Variants in NPHP1 observed in about 807,000 individuals in gnomAD.
The protein encoded by NPHP1 is nephrocystin 1.
In NPHP1, 70 loss-of-function variants were observed where a neutral mutation model predicts 90.4. The ratio of observed to expected loss-of-function variants is 0.77; its 90% CI spans 0.64 to 0.95. NPHP1 has a LOEUF of 0.95. NPHP1 is among the 40% of genes least tolerant of loss of function. The probability of loss-of-function intolerance (pLI) is 0.00; values close to 1 mark genes in which losing one functional copy is unlikely to be tolerated. For missense variants in NPHP1, 764 were observed against 795.9 expected (o/e 0.96, Z 0.48); for synonymous variants, 256 against 271.7 (o/e 0.94, Z 0.57).
Position 110,131,728 on chromosome 2 carries a change from T to C in NPHP1, c.1593A>G (p.Gln531=). The C allele has an allele frequency of 6.2e-7, 1 of 1,613,628 alleles. No individual in the cohort carries two copies. Among genetic ancestry groups the C allele is most frequent in the Non-Finnish European group, 8.5e-7 (1 of 1,179,598 alleles). Residue 531 remains glutamine (Q), a synonymous_variant, in exon 17 of 20, where the codon CAA becomes CAG. Coordinates refer to ENST00000445609, the MANE Select transcript of NPHP1 (RefSeq NM_001128178.3). ...CTTTCAGGAGCACATCTCCAAGAAT[T>C]TGTCGATAAAATATCAACAAGTGAA... ...CSIHLLIFYR[Q]ILGDVLLKDR... is the part of the protein sequence containing the mutation.
chr2:110,143,472 C>CAAAAAAA (rs774223348), intron 16 of NPHP1, 70 bp downstream of exon 16: 78 of 1,074,886 alleles, frequency 7.3e-5, no homozygotes, highest in Non-Finnish European at 9.7e-5. Flanking sequence ...GAGGAAAAGC[C>CAAAAAAA]AAAAGCAGAG....
At chr2:110,134,759 T>A (rs1233583438) in intron 16 of NPHP1, among the ~76,000 whole-genome samples, 5 of 152,018 alleles carry the variant, frequency 3.3e-5, no homozygotes, top group Admixed American at 3.3e-4. Context: ...CAATTGATGC[T>A]GAGAAAGCCT....
chr2:110,149,660 C>T (rs1484422568), intron 12 of NPHP1, among the ~76,000 whole-genome samples: 1 of 152,122 alleles, frequency 6.6e-6, no homozygotes, highest in Non-Finnish European at 1.5e-5. Flanking sequence ...ATTAATGAGA[C>T]CTTGGAGGTA....
intron 5 of NPHP1, among the ~76,000 whole-genome samples, chr2:110,168,961 T>C (rs751187755): frequency 1.3e-5 from 2 of 152,176 alleles, no homozygotes; most frequent in Non-Finnish European, 1.5e-5. Flanking sequence ...ATCAATTCCA[T>C]TAAAGTTAAA....
At chr2:110,136,369 G>A (rs1015770822) in intron 16 of NPHP1, among the ~76,000 whole-genome samples, 20 of 152,176 alleles carry the variant, frequency 1.3e-4, no homozygotes, top group Non-Finnish European at 2.5e-4. Flanking sequence ...ATTAGGAAAA[G>A]AGGAAGTCAA....
chr2:110,169,889 C>G lies in NPHP1; in HGVS notation c.439G>C (p.Glu147Gln). The G allele has an allele frequency of 6.2e-7, 1 of 1,613,318 alleles. No homozygotes were observed. Among genetic ancestry groups the G allele is most frequent in the Non-Finnish European group, 8.5e-7 (1 of 1,179,404 alleles). The change falls in exon 5 of 20, where the codon GAA becomes CAA. Residue 147 changes from glutamate (E) to glutamine (Q), a missense_variant. Transcript: ENST00000445609. ...EEEEEEKEEN[E>Q]SHKWSTGEEY... Reference sequence around the variant, plus strand: ...TCACCGGTTGACCATTTGTGAGATTCATTTTCCTCTTTCTCTTCCTCTTCC... The same window carrying G: ...TCACCGGTTGACCATTTGTGAGATTGATTTTCCTCTTTCTCTTCCTCTTCC...
chr2:110,123,892 C>G lies in NPHP1; in HGVS notation c.1933G>C (p.Ala645Pro), dbSNP rs201077898. The change falls in exon 20 of 20, where the codon GCC (alanine) becomes CCC (proline). Residue 645 changes from alanine to proline, a missense_variant. Ala to Pro is a conservative substitution (Grantham distance 27). Transcript: ENST00000445609. ...TCTGGTGACAGCAGAGCTTGGAGGG[C>G]GCCCTGGTTTTCTTGGTTTTGCTTA... is the stretch of plus-strand genomic sequence containing the variant. ...FLKQNQENQG[A>P]LQALLSPDGV... The G allele has an allele frequency of 6.2e-7, 1 of 1,613,998 alleles. No individual in the cohort carries two copies. The highest frequency in any genetic ancestry group is 1.1e-5 in the South Asian group (1 of 91,072).
intron 4 of NPHP1, among the ~76,000 whole-genome samples, chr2:110,172,168 C>T (rs1413965091): frequency 1.3e-5 from 2 of 152,112 alleles, no homozygotes; most frequent in African/African-American, 2.4e-5. Flanking sequence ...ATCTAAATTT[C>T]AAACTTATTC....
At chr2:110,161,967 T>C (rs1682375087) in intron 9 of NPHP1, among the ~76,000 whole-genome samples, 1 of 152,174 alleles carries the variant, frequency 6.6e-6, no homozygotes, top group Admixed American at 6.5e-5. Flanking sequence ...TGACAAGGAT[T>C]CATTCAAATA....
At chr2:110,145,430 A>G (rs1227693571) in intron 14 of NPHP1, among the ~76,000 whole-genome samples, 1 of 152,062 alleles carries the variant, frequency 6.6e-6, no homozygotes, top group Non-Finnish European at 1.5e-5. Flanking sequence ...AGCTGGGATT[A>G]CAGGCGTGTG....
chr2:110,161,702 A>G lies in NPHP1; in HGVS notation c.860-5T>C. ...AATTTGCTCGAAATTGATTCCCTGA[A>G]AAAATCATTTTTTCTTCATTTTCTT... is the stretch of plus-strand genomic sequence containing the variant. On this transcript the variant is annotated splice_region_variant and splice_polypyrimidine_tract_variant and intron_variant, in intron 9 of 19. Transcript: ENST00000445609. The G allele has an allele frequency of 6.2e-7, 1 of 1,600,100 alleles. No homozygotes were observed. Among genetic ancestry groups the G allele is most frequent in the Non-Finnish European group, 8.6e-7 (1 of 1,167,504 alleles).
intron 5 of NPHP1, among the ~76,000 whole-genome samples, chr2:110,168,828 C>T (rs1244141908): frequency 6.6e-6 from 1 of 152,034 alleles, no homozygotes; most frequent in Non-Finnish European, 1.5e-5. Context: ...AACCATTTTT[C>T]ACAATCATTT....
Position 110,179,733 on chromosome 2 carries a change from C to G in NPHP1, c.144-49G>C, listed in dbSNP as rs751299023. The stretch of plus-strand genomic sequence containing the variant: ...TATATTGATTTTTCTATTATCAGAA[C>G]CAGAAAGCTATTTTATAAAATCATT... On this transcript the variant is annotated intron_variant, in intron 2 of 19. Transcript: ENST00000445609. 4.7e-6 allele frequency: 4 copies of G among 852,734 alleles called. No individual in the cohort carries two copies. In the Admixed American group the frequency reaches 7.9e-5, roughly 17 times the overall value. The allele number at this position is 852,734 out of a possible 1,614,324, so 52.8% of individuals were successfully genotyped here.
chr2:110,184,343 G>A (rs2104636972), intron 2 of NPHP1: 1 of 611,016 alleles, frequency 1.6e-6, no homozygotes. Flanking sequence ...TCTATTCTAA[G>A]GACCAGCTGC....
At chr2:110,182,169 C>T (rs1413788234) in intron 2 of NPHP1, among the ~76,000 whole-genome samples, 1 of 151,876 alleles carries the variant, frequency 6.6e-6, no homozygotes, top group East Asian at 1.9e-4. Context: ...ATTGGGGTAC[C>T]TAAAAAAGAC....
chr2:110,161,469 G>T, intron 10 of NPHP1, 134 bp downstream of exon 10: 1 of 627,608 alleles, frequency 1.6e-6, no homozygotes, highest in Non-Finnish European at 2.8e-6. Context: ...TAAAAATATC[G>T]CTATTTTCAA....
intron 4 of NPHP1, among the ~76,000 whole-genome samples, chr2:110,173,983 A>G (rs765704002): frequency 3.9e-5 from 6 of 152,130 alleles, no homozygotes; most frequent in Non-Finnish European, 8.8e-5. Flanking sequence ...TCCTTTCTTA[A>G]ATAGTAAATT....
chr2:110,168,622 G>T, intron 5 of NPHP1, 69 bp from the exon 6 acceptor site: 2 of 1,018,206 alleles, frequency 2.0e-6, no homozygotes, highest in South Asian at 1.3e-5. Flanking sequence ...CAATACCAAT[G>T]ATTCAAAATA....
At chr2:110,197,770 C>G (rs757664142) in intron 2 of NPHP1, among the ~76,000 whole-genome samples, 37 of 152,044 alleles carry the variant, frequency 2.4e-4, no homozygotes, top group Admixed American at 3.3e-4. Flanking sequence ...ATGAGACTGA[C>G]AGTAAAGCCG....
Sources: gnomAD v4.1 joint callset for allele counts (sites outside exome capture counted in the v4.1 genomes callset) on GRCh38, gnomAD v4.1.1 for gene constraint, MANE v1.5 for transcripts, NCBI Gene and HGNC (gene_info 2026-07-23, HGNC 2026-07-21) for gene names.